TPRG1: variants seen among roughly 807,000 people sequenced by gnomAD.
The protein encoded by TPRG1 is tumor protein p63-regulated gene 1 protein.
TPRG1 carries 29 observed loss-of-function variants against 29.3 expected under a neutral mutation model. The ratio of observed to expected loss-of-function variants is 0.99; its 90% CI spans 0.74 to 1.35. The LOEUF is 1.35. Among genes scored for constraint, TPRG1 ranks in the 40% most tolerant of loss-of-function variants. TPRG1 has a pLI of 0.00. For synonymous variants in TPRG1, 130 were observed against 116.8 expected (o/e 1.11, Z -0.73); for missense variants, 327 against 335.0 (o/e 0.98, Z 0.19).
At chr3:189,130,564 A>C (rs993247744) in intron 2 of TPRG1, among the ~76,000 whole-genome samples, 2 of 152,236 alleles carry the variant, frequency 1.3e-5, no homozygotes, top group African/African-American at 4.8e-5. Context: ...ACAGCATGAA[A>C]GAGAACACCA....
At chr3:189,048,581 A>G (rs1035287385) in intron 4 of TPRG1, among the ~76,000 whole-genome samples, 1 of 152,162 alleles carries the variant, frequency 6.6e-6, no homozygotes, top group Non-Finnish European at 1.5e-5. Context: ...TCTTTTTCCA[A>G]TAGAAGGCTG....
intron 4 of TPRG1, among the ~76,000 whole-genome samples, chr3:189,084,222 C>T (rs941862908): frequency 6.6e-6 from 1 of 151,892 alleles, no homozygotes; most frequent in African/African-American, 2.4e-5. Context: ...ATATTGCCAA[C>T]AATTATTTTA....
chr3:189,008,760 C>T (rs1712442166), intron 3 of TPRG1, among the ~76,000 whole-genome samples: 1 of 152,106 alleles, frequency 6.6e-6, no homozygotes, highest in Non-Finnish European at 1.5e-5. Context: ...CACTGGAAGG[C>T]ATCAAAATTG....
At chr3:189,292,571 G>A (rs1317351484) in intron 4 of TPRG1, among the ~76,000 whole-genome samples, 1 of 152,040 alleles carries the variant, frequency 6.6e-6, no homozygotes, top group African/African-American at 2.4e-5. Flanking sequence ...GCATGTGATA[G>A]GTGCTCAATT....
intron 1 of TPRG1, among the ~76,000 whole-genome samples, chr3:189,000,576 A>G (rs1469473033): frequency 6.6e-6 from 1 of 151,874 alleles, no homozygotes; most frequent in Non-Finnish European, 1.5e-5. Flanking sequence ...GAACACACTC[A>G]CCTCATTTTT....
chr3:189,206,933 C>T (rs1734485885), intron 1 of TPRG1, among the ~76,000 whole-genome samples: 1 of 152,046 alleles, frequency 6.6e-6, no homozygotes, highest in African/African-American at 2.4e-5. Context: ...AAAACATGTT[C>T]AGTTCTAAGT....
chr3:189,302,666 TAG>T (rs1246157093), intron 4 of TPRG1, among the ~76,000 whole-genome samples: 3 of 152,258 alleles, frequency 2.0e-5, no homozygotes, highest in Admixed American at 2.0e-4. Context: ...CAACTTAAAG[TAG>T]CATCCAGTTT....
intron 4 of TPRG1, among the ~76,000 whole-genome samples, chr3:189,287,450 T>G (rs1576966508): frequency 6.6e-6 from 1 of 151,250 alleles, no homozygotes; most frequent in Admixed American, 6.6e-5. Flanking sequence ...CAGGCTGGAG[T>G]GCAGTGGCAC....
intron 5 of TPRG1, among the ~76,000 whole-genome samples, chr3:189,311,915 G>T (rs76839612): frequency 1.3e-5 from 2 of 151,814 alleles, no homozygotes; most frequent in Non-Finnish European, 2.9e-5. Context: ...AGGGCTTCAG[G>T]GGGACAGAGT....
chr3:189,053,930 T>C (rs1715493182), intron 4 of TPRG1, among the ~76,000 whole-genome samples: 1 of 152,222 alleles, frequency 6.6e-6, no homozygotes, highest in South Asian at 2.1e-4. Flanking sequence ...GCAATAAGGC[T>C]GTTTTGCTTT....
chr3:189,250,747 T>TAA lies in TPRG1; in HGVS notation c.479+11857_479+11858dup, dbSNP rs139028462. On this transcript the variant is annotated intron_variant, in intron 4 of 5. Coordinates refer to ENST00000345063, the MANE Select transcript of TPRG1 (RefSeq NM_198485.4). ...CAGAGTCTGAGCAAATTCCCTTGTTTAAAAAAAAAAAAAAAAAAAAGCAAT... is the reference window on the plus strand; with the variant it reads ...CAGAGTCTGAGCAAATTCCCTTGTTTAAAAAAAAAAAAAAAAAAAAAAGCAAT... Among the ~76,000 whole-genome samples the TAA allele has an allele frequency of 1.9e-3, 229 of 122,672 alleles. 2 individuals carry two copies. The highest frequency in any genetic ancestry group is 5.5e-3 in the African/African-American group (183 of 33,340). 80.5% of individuals were successfully genotyped at this position (122,672 alleles called of 152,430 possible). A position where few individuals can be genotyped will look rare whatever the true frequency, so the allele number is the denominator to read the frequency against.
chr3:189,149,446 A>G (rs1578544463), intron 4 of TPRG1, among the ~76,000 whole-genome samples: 1 of 152,216 alleles, frequency 6.6e-6, no homozygotes, highest in Admixed American at 6.5e-5. Flanking sequence ...TGAGTTATCA[A>G]GATCTCTAGG....
chr3:189,153,002 C>T (rs971705637), intron 5 of TPRG1, among the ~76,000 whole-genome samples: 4 of 152,190 alleles, frequency 2.6e-5, no homozygotes, highest in South Asian at 2.1e-4. Flanking sequence ...AGTAGTTTCA[C>T]GTGTGTCTTA....
intron 4 of TPRG1, among the ~76,000 whole-genome samples, chr3:189,265,357 C>T (rs1713878642): frequency 6.6e-6 from 1 of 152,164 alleles, no homozygotes; most frequent in Admixed American, 6.5e-5. Context: ...AGAGTGTTTA[C>T]AGGCATGAAT....
At chr3:189,236,072 G>A (rs1408604752) in intron 3 of TPRG1, among the ~76,000 whole-genome samples, 1 of 152,208 alleles carries the variant, frequency 6.6e-6, no homozygotes, top group East Asian at 1.9e-4. Context: ...GGGAGAAAGT[G>A]TGAATGATGT....
At chr3:189,177,464 A>C (rs1401882775) in intron 1 of TPRG1, among the ~76,000 whole-genome samples, 2 of 151,296 alleles carry the variant, frequency 1.3e-5, no homozygotes, top group Non-Finnish European at 2.9e-5. Context: ...TTATATATGC[A>C]TATACTTATA....
At chr3:189,128,387 G>A (rs1212134148) in intron 2 of TPRG1, among the ~76,000 whole-genome samples, 2 of 152,008 alleles carry the variant, frequency 1.3e-5, no homozygotes, top group African/African-American at 2.4e-5. Flanking sequence ...ATCAGATTTA[G>A]GAAATAAAAA....
At chr3:189,294,319 T>C (rs9867318) in intron 4 of TPRG1, among the ~76,000 whole-genome samples, 53,008 of 152,012 alleles carry the variant, frequency 0.35, 9,488 homozygotes, top group African/African-American at 0.38. Context: ...GAAAAGCCAG[T>C]TCTTTCTTGG....
intron 1 of TPRG1, among the ~76,000 whole-genome samples, chr3:189,119,652 A>T (rs1189122605): frequency 6.6e-6 from 1 of 152,056 alleles, no homozygotes; most frequent in African/African-American, 2.4e-5. Context: ...TTCTCATGAG[A>T]TCTGATGGTT....
Sources: allele counts gnomAD v4.1 joint callset (sites outside exome capture counted in the v4.1 genomes callset), GRCh38; gene constraint gnomAD v4.1.1; transcripts MANE v1.5; gene names NCBI Gene and HGNC (gene_info 2026-07-23, HGNC 2026-07-21).